Variants in MAPK10 observed in about 807,000 individuals in gnomAD.
MAPK10 encodes the protein JNK3 alpha protein kinase.
MAPK10 carries 25 observed loss-of-function variants against 59.3 expected under a neutral mutation model. The ratio of observed to expected loss-of-function variants is 0.42; its 90% confidence interval spans 0.31 to 0.59. The LOEUF is 0.59. MAPK10 is among the 20% of genes least tolerant of loss of function. The pLI, the probability that MAPK10 is intolerant of heterozygous loss-of-function variation, is 0.15. For synonymous variants in MAPK10, 190 were observed against 200.5 expected, an observed-to-expected ratio of 0.95 and a Z score of 0.44; for missense variants, 351 against 568.9, an observed-to-expected ratio of 0.62 and a Z score of 3.90.
chr4:86,187,357 C>G (rs7668374), intron 3 of MAPK10, among the ~76,000 whole-genome samples: 1 of 152,002 alleles, frequency 6.6e-6, no homozygotes, highest in Non-Finnish European at 1.5e-5. Context: ...ATGGTTGTTA[C>G]GTAATTCACT....
chr4:86,068,291 A>G (rs2047124984), intron 9 of MAPK10, among the ~76,000 whole-genome samples: 1 of 152,174 alleles, frequency 6.6e-6, no homozygotes, highest in Admixed American at 6.5e-5. Flanking sequence ...AAATCATGTG[A>G]TTCAGAAGAA....
intron 2 of MAPK10, among the ~76,000 whole-genome samples, chr4:86,240,235 T>C (rs1022273626): frequency 6.6e-5 from 10 of 152,240 alleles, no homozygotes; most frequent in African/African-American, 2.4e-4. Context: ...ATTTCAGTTC[T>C]TTTGCACTTG....
At chr4:86,362,216 G>A (rs1014684414), upstream of MAPK10, among the ~76,000 whole-genome samples, 35 of 151,904 alleles carry the variant, frequency 2.3e-4, 1 homozygote, top group African/African-American at 8.5e-4. Flanking sequence ...GTCCAGTAAC[G>A]TAACATGAAT....
chr4:86,354,260 A>G (rs1733256823), intron 2 of MAPK10, among the ~76,000 whole-genome samples: 1 of 152,116 alleles, frequency 6.6e-6, no homozygotes, highest in Non-Finnish European at 1.5e-5. Flanking sequence ...CTGCCACATG[A>G]AAATGTTAAT....
intron 1 of MAPK10, among the ~76,000 whole-genome samples, chr4:86,493,314 C>T (rs1286664253): frequency 2.0e-5 from 3 of 152,154 alleles, no homozygotes; most frequent in Non-Finnish European, 4.4e-5. Context: ...TTTCTTTTAT[C>T]AGGGGTGTCC....
At chr4:86,068,003 T>C (rs749214401) in intron 9 of MAPK10, 48 bp from the exon 10 acceptor site, 2 of 1,305,956 alleles carry the variant, frequency 1.5e-6, no homozygotes, top group East Asian at 2.3e-5. Flanking sequence ...ACCACTAGCC[T>C]TTCAACAATT....
chr4:86,222,225 A>C (rs182387604), intron 2 of MAPK10, among the ~76,000 whole-genome samples: 15 of 152,308 alleles, frequency 9.8e-5, no homozygotes, highest in Non-Finnish European at 2.2e-4. Context: ...ATTTCTTTAT[A>C]GCAGTGAAAA....
chr4:86,548,768 C>CTGG (rs1488272447), intron 1 of MAPK10, among the ~76,000 whole-genome samples: 6 of 152,118 alleles, frequency 3.9e-5, no homozygotes, highest in Admixed American at 6.5e-5. Context: ...CACTCTGACC[C>CTGG]TGGTGATTTT....
intron 1 of MAPK10, among the ~76,000 whole-genome samples, chr4:86,421,610 A>C (rs1746553099): frequency 6.6e-6 from 1 of 152,142 alleles, no homozygotes; most frequent in Admixed American, 6.5e-5. Flanking sequence ...GGGAAGAAGG[A>C]GGCTGCTCCA....
intron 1 of MAPK10, among the ~76,000 whole-genome samples, chr4:86,486,361 A>G (rs1753995560): frequency 6.6e-6 from 1 of 152,218 alleles, no homozygotes; most frequent in African/African-American, 2.4e-5. Context: ...AAGGATAACT[A>G]CCATACAGAA....
chr4:86,474,261 T>G (rs939702213), intron 1 of MAPK10, among the ~76,000 whole-genome samples: 11 of 152,220 alleles, frequency 7.2e-5, no homozygotes, highest in African/African-American at 2.7e-4. Flanking sequence ...ATGGTTAATA[T>G]GGAAAGTTCT....
At chr4:86,187,577 G>A (rs996846416) in intron 3 of MAPK10, among the ~76,000 whole-genome samples, 1 of 152,090 alleles carries the variant, frequency 6.6e-6, no homozygotes, top group Non-Finnish European at 1.5e-5. Flanking sequence ...GGGGACTACT[G>A]TAAAGAATGA....
At chr4:86,365,179 C>T (rs1737638164) in intron 1 of MAPK10, among the ~76,000 whole-genome samples, 1 of 151,934 alleles carries the variant, frequency 6.6e-6, no homozygotes, top group Admixed American at 6.6e-5. Context: ...GCCAGGTAAT[C>T]CCAACACTCT....
At chr4:86,265,269 C>T (rs1399713744) in intron 2 of MAPK10, among the ~76,000 whole-genome samples, 4 of 151,964 alleles carry the variant, frequency 2.6e-5, no homozygotes, top group Non-Finnish European at 5.9e-5. Flanking sequence ...AATCCCAGCA[C>T]TTTGGGAGGC....
intron 2 of MAPK10, among the ~76,000 whole-genome samples, chr4:86,248,782 A>G (rs1403229344): frequency 3.3e-5 from 5 of 152,216 alleles, no homozygotes; most frequent in Admixed American, 6.5e-5. Flanking sequence ...TGAAAACACC[A>G]AAGAGCAGTA....
intron 1 of MAPK10, among the ~76,000 whole-genome samples, chr4:86,376,127 A>T (rs1356322303): frequency 6.6e-6 from 1 of 152,202 alleles, no homozygotes; most frequent in African/African-American, 2.4e-5. Context: ...TCTAACATAA[A>T]GGAAGGTATT....
chr4:86,022,115 G>A (rs939918398), intron 13 of MAPK10, among the ~76,000 whole-genome samples: 5 of 152,220 alleles, frequency 3.3e-5, no homozygotes, highest in African/African-American at 1.2e-4. Context: ...GCCCAGGCAG[G>A]GGAGGTGCCG....
At chr4:86,303,376 A>G (rs1274339058) in intron 2 of MAPK10, among the ~76,000 whole-genome samples, 1 of 152,232 alleles carries the variant, frequency 6.6e-6, no homozygotes, top group Admixed American at 6.5e-5. Context: ...ACATTTACCA[A>G]GCAAACATTT....
Position 86,101,169 on chromosome 4 carries a change from T to C in MAPK10, c.613A>G (p.Ile205Val). The C allele has an allele frequency of 6.2e-7, 1 of 1,613,892 alleles. No homozygotes were observed. Among genetic ancestry groups the C allele is most frequent in the Non-Finnish European group, 8.5e-7 (1 of 1,179,908 alleles). The change falls in exon 8 of 14, where the codon ATC becomes GTC. Residue 205 changes from isoleucine to valine, a missense_variant. By Grantham distance (29) the Ile-to-Val change is conservative (BLOSUM62 3). Coordinates refer to ENST00000641462, the MANE Select transcript of MAPK10 (RefSeq NM_138982.4). ...IVVKSDCTLK[I>V]LDFGLARTAG... is the part of the protein sequence containing the mutation. ...GTCCTGGCCAGTCCAAAGTCCAGGATTTTCAATGTGCAATCAGACTTGACT... is the reference window on the plus strand; with the variant it reads ...GTCCTGGCCAGTCCAAAGTCCAGGACTTTCAATGTGCAATCAGACTTGACT...
Sources: gnomAD v4.1 joint callset for allele counts (sites outside exome capture counted in the v4.1 genomes callset) on GRCh38, gnomAD v4.1.1 for gene constraint, MANE v1.5 for transcripts, NCBI Gene and HGNC (gene_info 2026-07-23, HGNC 2026-07-21) for gene names.